Variants in INTS4 observed in about 807,000 individuals in gnomAD.
INTS4 encodes the protein MSTP093.
In INTS4, 70 loss-of-function variants were observed where a neutral mutation model predicts 119.5. The ratio of observed to expected loss-of-function variants is 0.59; its 90% CI spans 0.48 to 0.71. The LOEUF (loss-of-function observed/expected upper bound fraction) is 0.71. Among genes scored for constraint, INTS4 ranks in the 30% least tolerant of loss-of-function variants. The pLI is 0.00. For missense variants in INTS4, 867 were observed against 1,173.2 expected, an observed-to-expected ratio of 0.74 and a Z score of 3.81; for synonymous variants, 316 against 419.6, an observed-to-expected ratio of 0.75 and a Z score of 3.02.
At chr11:77,991,892 T>C (rs1180114100) in intron 1 of INTS4, among the ~76,000 whole-genome samples, 1 of 152,066 alleles carries the variant, frequency 6.6e-6, no homozygotes, top group Non-Finnish European at 1.5e-5. Flanking sequence ...CATGCTGGGA[T>C]TATAGGTGTG....
intron 22 of INTS4, among the ~76,000 whole-genome samples, chr11:77,882,788 A>T (rs1268003342): frequency 6.6e-6 from 1 of 152,174 alleles, no homozygotes; most frequent in Admixed American, 6.5e-5. Flanking sequence ...CCATTAATAA[A>T]GGCCCAGCGC....
chr11:77,956,710 AAATAAT>A (rs199933134), intron 7 of INTS4, among the ~76,000 whole-genome samples: 21,422 of 97,362 alleles, frequency 0.22, 2,793 homozygotes, highest in South Asian at 0.37. Context: ...CCATCTCAAA[AAATAAT>A]AATAATAATA....
chr11:77,945,882 C>T (rs191084536), intron 8 of INTS4, among the ~76,000 whole-genome samples: 63 of 152,312 alleles, frequency 4.1e-4, no homozygotes, highest in African/African-American at 1.5e-3. Context: ...GCCCTGGCCC[C>T]CTACCATAGA....
chr11:77,900,479 T>A (rs1433730957), intron 18 of INTS4: 7 of 567,060 alleles, frequency 1.2e-5, no homozygotes, highest in Non-Finnish European at 2.2e-5. Flanking sequence ...TAAAATATTT[T>A]ATTTTTCAGG....
intron 11 of INTS4, among the ~76,000 whole-genome samples, chr11:77,927,501 C>T (rs2136493660): frequency 6.6e-6 from 1 of 152,178 alleles, no homozygotes; most frequent in East Asian, 1.9e-4. Flanking sequence ...GAGGACAAAC[C>T]CCATTTATGA....
At chr11:77,991,727 G>A (rs1238761836) in intron 1 of INTS4, among the ~76,000 whole-genome samples, 1 of 151,914 alleles carries the variant, frequency 6.6e-6, no homozygotes, top group African/African-American at 2.4e-5. Context: ...TGAGGATTGT[G>A]GTAGCCTTTG....
chr11:77,878,835 G>C lies in INTS4; in HGVS notation c.*114C>G, dbSNP rs1951681773. 2 of 806,626 alleles carry C rather than the reference G, an allele frequency of 2.5e-6. No individual in the cohort carries two copies. The highest frequency in any genetic ancestry group is 4.4e-6 in the Non-Finnish European group (2 of 455,484). 50.0% of individuals were successfully genotyped at this position (806,626 alleles called of 1,614,324 possible). A position where few individuals can be genotyped will look rare whatever the true frequency, so the allele number is the denominator to read the frequency against. On this transcript the variant is annotated 3_prime_UTR_variant, in exon 23 of 23. Coordinates refer to ENST00000534064, the MANE Select transcript of INTS4 (RefSeq NM_033547.4). ...GTTTGATACCAGATGAGACTGTAAG[G>C]GTCACATACTCCTTAAGCCTACACA...
intron 8 of INTS4, among the ~76,000 whole-genome samples, chr11:77,944,989 G>A (rs376236101): frequency 2.0e-5 from 3 of 151,784 alleles, no homozygotes; most frequent in South Asian, 2.1e-4. Flanking sequence ...CAACAAAAAG[G>A]GACCAAAATA....
intron 8 of INTS4, among the ~76,000 whole-genome samples, chr11:77,954,954 C>A (rs1424486414): frequency 2.0e-5 from 3 of 152,028 alleles, no homozygotes; most frequent in Non-Finnish European, 4.4e-5. Flanking sequence ...TATCTTAATT[C>A]CTAGTAGGGT....
Position 77,933,813 on chromosome 11 carries a change from G to T in INTS4, c.1165+4838C>A, listed in dbSNP as rs1474267023. ...GCCCGGCAGCCGCCCCGTCCGGGAG[G>T]TGGGGGGCGCCTCTGCCCGGCCGCC... is the stretch of plus-strand genomic sequence containing the variant. On this transcript the variant is annotated intron_variant, in intron 10 of 22. Coordinates refer to ENST00000534064, the MANE Select transcript of INTS4 (RefSeq NM_033547.4). 2.0e-5 allele frequency among the ~76,000 whole-genome samples: 3 copies of T among 152,176 alleles called. No individual in the cohort carries two copies. The East Asian group carries it at 5.8e-4, about 30-fold the overall frequency.
intron 1 of INTS4, among the ~76,000 whole-genome samples, chr11:77,993,061 T>G (rs954417059): frequency 1.3e-5 from 2 of 152,194 alleles, no homozygotes; most frequent in Admixed American, 1.3e-4. Flanking sequence ...GCTAGGAATT[T>G]TTTCCCTAAG....
intron 18 of INTS4, among the ~76,000 whole-genome samples, chr11:77,894,857 T>C (rs1952442576): frequency 6.6e-6 from 1 of 152,240 alleles, no homozygotes; most frequent in African/African-American, 2.4e-5. Flanking sequence ...CTACAGCCAT[T>C]GTATCGGCAT....
At chr11:77,887,562 T>C (rs978736895) in intron 21 of INTS4, among the ~76,000 whole-genome samples, 37 of 152,270 alleles carry the variant, frequency 2.4e-4, no homozygotes, top group Admixed American at 1.3e-3. Context: ...GTGTTGGAAG[T>C]GCTGGCCAGG....
intron 18 of INTS4, among the ~76,000 whole-genome samples, chr11:77,896,252 G>A (rs937097621): frequency 6.6e-6 from 1 of 152,020 alleles, no homozygotes; most frequent in African/African-American, 2.4e-5. Flanking sequence ...TAGTAGAGAA[G>A]CACACTTGGA....
rs368631853 is a variant in INTS4, at chr11:77,991,222, A to G, written c.132T>C (p.Cys44=). ...AAGCATCTGCTGGGGAGGTAGCTTT[A>G]CACAGATCTATGTGGAGTGCTGCAG... ...SKSAALHIDL[C]KATSPADALQ... is the part of the protein sequence containing the mutation. Residue 44 remains cysteine, a synonymous_variant, in exon 2 of 23, where the codon TGT becomes TGC. Coordinates refer to ENST00000534064, the MANE Select transcript of INTS4 (RefSeq NM_033547.4). 1 of 1,614,018 alleles carries G rather than the reference A, an allele frequency of 6.2e-7. No homozygotes were observed. Among genetic ancestry groups the G allele is most frequent in the African/African-American group, 1.3e-5 (1 of 74,924 alleles).
At chr11:77,931,763 T>C (rs1011606777) in intron 10 of INTS4, among the ~76,000 whole-genome samples, 7 of 152,096 alleles carry the variant, frequency 4.6e-5, no homozygotes, top group Middle Eastern at 3.4e-3. Context: ...TGGAACAGAA[T>C]AGAGGCCTCA....
intron 18 of INTS4, among the ~76,000 whole-genome samples, chr11:77,898,162 C>T (rs555842413): frequency 6.6e-6 from 1 of 151,996 alleles, no homozygotes; most frequent in South Asian, 2.1e-4. Flanking sequence ...CTTAACTGGC[C>T]TAAATTATTA....
chr11:77,932,731 T>C (rs1231933049), intron 10 of INTS4, among the ~76,000 whole-genome samples: 2 of 151,942 alleles, frequency 1.3e-5, no homozygotes, highest in Non-Finnish European at 2.9e-5. Flanking sequence ...ATAGACTGGA[T>C]AAAGAAAATG....
At chr11:77,951,709 C>T (rs1383444527) in intron 8 of INTS4, among the ~76,000 whole-genome samples, 5 of 152,110 alleles carry the variant, frequency 3.3e-5, no homozygotes, top group Non-Finnish European at 5.9e-5. Flanking sequence ...AAGAAACTAC[C>T]ATCAGAGTGA....
Sources: allele counts gnomAD v4.1 joint callset (sites outside exome capture counted in the v4.1 genomes callset), GRCh38; gene constraint gnomAD v4.1.1; transcripts MANE v1.5; gene names NCBI Gene and HGNC (gene_info 2026-07-23, HGNC 2026-07-21).